HERC1: variants seen among roughly 807,000 people sequenced by gnomAD.
HERC1 encodes the protein HECT and RLD domain containing E3 ubiquitin protein ligase family member 1, also known as probable E3 ubiquitin-protein ligase HERC1.
In HERC1, 160 loss-of-function variants were observed where a neutral mutation model predicts 554.3. That is an observed-to-expected ratio of 0.29 (90% CI 0.25 to 0.33). The LOEUF is 0.33. Ranked by LOEUF, HERC1 falls within the 10% of genes least tolerant of loss-of-function variation. The probability of loss-of-function intolerance (pLI) is 1.00; values close to 1 mark genes in which losing one functional copy is unlikely to be tolerated. For synonymous variants in HERC1, 2,175 were observed against 2,131.7 expected (o/e 1.02, Z -0.56); for missense variants, 4,919 against 5,918.5 (o/e 0.83, Z 5.54).
chr15:63,669,567 G>C lies in HERC1; in HGVS notation c.8177C>G (p.Ser2726Cys), dbSNP rs1274153584. Residue 2726 changes from serine (S) to cysteine (C), a missense_variant, in exon 40 of 78, where the codon TCC becomes TGC. Ser to Cys is a moderately radical substitution (Grantham distance 112). Transcript: ENST00000443617. ...GCGGTTAGCTGGCCTTGCTGACTGG[G>C]AATCAGGAGAAGTTAAACTTTGCCT... ...GRRQSLTSPD[S>C]QSARPANRTA... is the part of the protein sequence containing the mutation. The C allele has an allele frequency of 1.2e-6, 2 of 1,613,712 alleles. No individual in the cohort carries two copies. The highest frequency in any genetic ancestry group is 1.7e-6 in the Non-Finnish European group (2 of 1,179,738).
At chr15:63,627,410 A>G (rs2068346353) in intron 70 of HERC1, among the ~76,000 whole-genome samples, 1 of 152,114 alleles carries the variant, frequency 6.6e-6, no homozygotes. Context: ...AGTGGCTCAC[A>G]CCTGTAATCC....
chr15:63,626,127 A>G lies in HERC1; in HGVS notation c.13133T>C (p.Leu4378Pro). 6.2e-7 allele frequency: 1 copy of G among 1,613,638 alleles called. No individual in the cohort carries two copies. Among genetic ancestry groups the G allele is most frequent in the Non-Finnish European group, 8.5e-7 (1 of 1,179,778 alleles). Residue 4378 changes from leucine to proline, a missense_variant, in exon 71 of 78, where the codon CTG becomes CCG. Coordinates refer to ENST00000443617, the MANE Select transcript of HERC1 (RefSeq NM_003922.4). ...ATACTGGGGGGGCACTGTGTCAGGC[A>G]GGCCCAGCTGCAGAGGTACTGACAC... ...PGVSVPLQLG[L>P]PDTVPPQYGA...
intron 25 of HERC1, among the ~76,000 whole-genome samples, chr15:63,706,030 CAAAAAAAAAAAA>C (rs35213471): frequency 4.3e-5 from 2 of 46,812 alleles, no homozygotes; most frequent in South Asian, 1.1e-3. Flanking sequence ...ACCCTGTCTC[CAAAAAAAAAAAA>C]AAAAAAAAAA....
intron 37 of HERC1, among the ~76,000 whole-genome samples, chr15:63,676,066 G>C (rs1248835658): frequency 1.3e-5 from 2 of 152,004 alleles, no homozygotes; most frequent in African/African-American, 4.8e-5. Flanking sequence ...ACTACGGCTG[G>C]CTTTTTTGTA....
Position 63,680,614 on chromosome 15 carries a change from T to C in HERC1, c.6388A>G (p.Ser2130Gly), listed in dbSNP as rs1372599363. 7 of 1,613,798 alleles carry C rather than the reference T, an allele frequency of 4.3e-6. No homozygotes were observed. Among genetic ancestry groups the C allele is most frequent in the Non-Finnish European group, 5.9e-6 (7 of 1,179,732 alleles). The change falls in exon 35 of 78, where the codon AGC becomes GGC. Residue 2130 changes from serine to glycine, a missense_variant. Transcript: ENST00000443617. This position sits in a 1 kb window ranked among gnomAD's most constrained non-coding sequence, Gnocchi z 5.8. ...HNGEQTLTLSSFTQGDFITCV... is the reference protein window; with the variant it reads ...HNGEQTLTLSGFTQGDFITCV... The stretch of plus-strand genomic sequence containing the variant: ...GTAATGAAATCTCCTTGAGTAAAGC[T>C]GGACAATGTGAGAGTCTGTTCTCCA...
rs2072182152 is a variant in HERC1 at position 63,692,810 on chromosome 15, TATAATAAAGA to T, written c.5675-254_5675-245del. Among the ~76,000 whole-genome samples the T allele has an allele frequency of 6.6e-6, 1 of 152,170 alleles. No homozygotes were observed. Among genetic ancestry groups the T allele is most frequent in the Non-Finnish European group, 1.5e-5 (1 of 68,030 alleles). On this transcript the variant is annotated intron_variant, in intron 30 of 77. Coordinates refer to ENST00000443617, the MANE Select transcript of HERC1 (RefSeq NM_003922.4). This position sits in a 1 kb window ranked among gnomAD's most constrained non-coding sequence, Gnocchi z 4.7. The stretch of plus-strand genomic sequence containing the variant: ...ATATGCTATAACTATGATGACTAAG[TATAATAAAGA>T]ATTATTGGTGACTAGAGAACAGAAC...
intron 12 of HERC1, among the ~76,000 whole-genome samples, chr15:63,740,765 G>A (rs935336989): frequency 2.0e-5 from 3 of 152,064 alleles, no homozygotes; most frequent in African/African-American, 7.2e-5. Flanking sequence ...TTTTAAAACT[G>A]GGGTATCTGT....
At chr15:63,723,055 A>T in intron 19 of HERC1, 127 bp downstream of exon 19, 2 of 550,948 alleles carry the variant, frequency 3.6e-6, no homozygotes, top group Non-Finnish European at 5.7e-6. Context: ...TAAAAATGTT[A>T]ATAAAATATC....
intron 1 of HERC1, among the ~76,000 whole-genome samples, chr15:63,812,015 TAAG>T (rs1483570069): frequency 6.6e-6 from 1 of 152,186 alleles, no homozygotes; most frequent in Admixed American, 6.5e-5. Flanking sequence ...TAATCATTTT[TAAG>T]TAATTACAGT....
intron 34 of HERC1, among the ~76,000 whole-genome samples, chr15:63,682,063 G>A (rs1448105577): frequency 1.3e-5 from 2 of 152,158 alleles, no homozygotes; most frequent in South Asian, 2.1e-4. Context: ...AGATTCACTA[G>A]AACAACCCTG....
chr15:63,609,117 GT>G lies in HERC1; in HGVS notation c.14549del (p.Asn4850ThrfsTer26), dbSNP rs766318030. 1 of 1,613,948 alleles carries G rather than the reference GT, an allele frequency of 6.2e-7. No individual in the cohort carries two copies. Among genetic ancestry groups the G allele is most frequent in the South Asian group, 1.1e-5 (1 of 91,044 alleles). ...IDMDNYMLSRNVDNAEGSDTD... is the reference protein window; with the variant it reads ...IDMDNYMLSRXVDNAEGSDTD... ...TGTCGGAGCCCTCGGCGTTGTCCAC[GT>G]TTCTCGAGAGCATGTAGTTGTCCAT... is the stretch of plus-strand genomic sequence containing the variant. On this transcript the variant is annotated frameshift_variant, in exon 78 of 78. Transcript: ENST00000443617. LOFTEE classifies it high-confidence loss of function.
chr15:63,785,301 G>T lies in HERC1; in HGVS notation c.-26-9652C>A, dbSNP rs192575466. Among the ~76,000 whole-genome samples, 276 of 152,194 alleles carry T rather than the reference G, an allele frequency of 1.8e-3. 1 individual carries two copies. Among genetic ancestry groups the T allele is most frequent in the Non-Finnish European group, 3.5e-3 (237 of 68,010 alleles). ...TATCTGGGCATGGTGGTACACGACTGTGGTCCCAGCAACTTAGGCTTGGGT... is the reference window on the plus strand; with the variant it reads ...TATCTGGGCATGGTGGTACACGACTTTGGTCCCAGCAACTTAGGCTTGGGT... On this transcript the variant is annotated intron_variant, in intron 1 of 77. Transcript: ENST00000443617.
Position 63,727,590 on chromosome 15 carries a change from G to T in HERC1, c.3346+57C>A, listed in dbSNP as rs1293499299. 3 of 1,286,824 alleles carry T rather than the reference G, an allele frequency of 2.3e-6. No homozygotes were observed. In the South Asian group the frequency reaches 4.0e-5, roughly 17 times the overall value. 79.7% of individuals were successfully genotyped at this position (1,286,824 alleles called of 1,614,324 possible). On this transcript the variant is annotated intron_variant, in intron 17 of 77. Coordinates refer to ENST00000443617, the MANE Select transcript of HERC1 (RefSeq NM_003922.4). This position sits in a 1 kb window ranked among gnomAD's most constrained non-coding sequence, Gnocchi z 4.3. The stretch of plus-strand genomic sequence containing the variant: ...CCAATGGAAAAACACAGTGATGTGT[G>T]CAAGAGGAACAACTTTTCTCAAAGG...
rs367720452 is a variant in HERC1 at position 63,615,856 on chromosome 15, C to G, written c.14006G>C (p.Gly4669Ala). ...AAATGTGAGTGGGATACTATTTCCA[C>G]CAGGGATTATAGGAACCATTTTGCC... ...ADGKMVPIIP[G>A]GNSIPLTFSN... The change falls in exon 76 of 78, where the codon GGT (glycine) becomes GCT (alanine). Residue 4669 changes from glycine to alanine, a missense_variant. Physicochemically the swap from Gly to Ala is moderately conservative, Grantham distance 60. Around this residue, in one of 11 missense-constraint regions of HERC1, gnomAD observed 284 missense variants for 294.1 expected, o/e 0.97. Coordinates refer to ENST00000443617, the MANE Select transcript of HERC1 (RefSeq NM_003922.4). 4.5e-5 allele frequency: 72 copies of G among 1,606,980 alleles called. No homozygotes were observed. The highest frequency in any genetic ancestry group is 6.0e-5 in the Non-Finnish European group (71 of 1,177,120).
rs1242028818 is a variant in HERC1, at chr15:63,694,326, T to C, written c.5466A>G (p.Leu1822=). Residue 1822 remains leucine, a synonymous_variant, in exon 29 of 78, where the codon CTA becomes CTG. Coordinates refer to ENST00000443617, the MANE Select transcript of HERC1 (RefSeq NM_003922.4). This position sits in a 1 kb window ranked among gnomAD's most constrained non-coding sequence, Gnocchi z 4.3. Reference sequence around the variant, plus strand: ...ACCATACTTACCCAGTAGTGATGGCTAGAATCTGGAGCAACCTTGTACTGG... The same window carrying C: ...ACCATACTTACCCAGTAGTGATGGCCAGAATCTGGAGCAACCTTGTACTGG... The part of the protein sequence containing the change: ...KVASTRLLQI[L]AITTGTYADK... 6.2e-7 allele frequency: 1 copy of C among 1,613,384 alleles called. No homozygotes were observed. Among genetic ancestry groups the C allele is most frequent in the East Asian group, 2.2e-5 (1 of 44,854 alleles).
chr15:63,662,016 A>G lies in HERC1; in HGVS notation c.8907T>C (p.Val2969=), dbSNP rs1285352431. The G allele has an allele frequency of 6.2e-7, 1 of 1,610,796 alleles. No individual in the cohort carries two copies. Among genetic ancestry groups the G allele is most frequent in the African/African-American group, 1.3e-5 (1 of 74,974 alleles). The change falls in exon 45 of 78, where the codon GTT becomes GTC. Residue 2969 remains valine (V), a synonymous_variant. Coordinates refer to ENST00000443617, the MANE Select transcript of HERC1 (RefSeq NM_003922.4). The stretch of plus-strand genomic sequence containing the variant: ...CTTCTTCCCTGTCTTCAGACTCACA[A>G]ACATGCTGCACAAAAGGATTTCATA... The part of the protein sequence containing the change: ...PEVLDWPTWH[V]CESEDREEVV...
intron 70 of HERC1, among the ~76,000 whole-genome samples, chr15:63,627,087 C>G (rs1163235324): frequency 6.6e-6 from 1 of 152,152 alleles, no homozygotes; most frequent in Non-Finnish European, 1.5e-5. Flanking sequence ...AGTGAAATCC[C>G]TCTGAAGCCA....
intron 19 of HERC1, among the ~76,000 whole-genome samples, chr15:63,720,258 C>T (rs1489749435): frequency 6.6e-6 from 1 of 151,748 alleles, no homozygotes; most frequent in Non-Finnish European, 1.5e-5. Flanking sequence ...CATGAGCTAC[C>T]ACACTCGGCC....
At chr15:63,646,834 AC>A (rs58633453) in intron 55 of HERC1, among the ~76,000 whole-genome samples, 78,413 of 150,664 alleles carry the variant, frequency 0.52, 21,284 homozygotes, top group Non-Finnish European at 0.58. Context: ...ACAAACAAAA[AC>A]AAAAACAAAA....
Sources: gnomAD v4.1 joint callset for allele counts (sites outside exome capture counted in the v4.1 genomes callset) on GRCh38, gnomAD v4.1.1 for gene constraint, gnomAD v4.1.1 regional missense constraint, Gnocchi (gnomAD v3.1) non-coding constraint, MANE v1.5 for transcripts, NCBI Gene and HGNC (gene_info 2026-07-23, HGNC 2026-07-21) for gene names.